The following RBPMS variants were observed in gnomAD, a reference collection of about 807,000 sequenced individuals.
RBPMS encodes the protein RNA-binding protein with multiple splicing.
RBPMS carries 7 observed loss-of-function variants against 26.8 expected under a neutral mutation model. The observed-to-expected ratio is 0.26, with a 90% CI of 0.15 to 0.49. The LOEUF is 0.49. RBPMS is among the 20% of genes least tolerant of loss of function. The pLI is 0.98. For synonymous variants in RBPMS, 96 were observed against 93.3 expected (o/e 1.03, Z -0.17); for missense variants, 186 against 250.0 (o/e 0.74, Z 1.73).
At chr8:30,541,645 C>A (rs572660396) in intron 5 of RBPMS, among the ~76,000 whole-genome samples, 84 of 152,180 alleles carry the variant, frequency 5.5e-4, no homozygotes, top group South Asian at 2.3e-3. Context: ...CTCACCCCCT[C>A]CCTAAACTCC....
At chr8:30,445,240 C>G (rs1170118611) in intron 1 of RBPMS, 1 of 152,020 alleles carries the variant, frequency 6.6e-6, no homozygotes, top group African/African-American at 2.4e-5. Flanking sequence ...CCAGTCTAAG[C>G]CTGATCAAAA....
At chr8:30,475,830 A>G (rs965631737) in intron 2 of RBPMS, among the ~76,000 whole-genome samples, 1 of 152,224 alleles carries the variant, frequency 6.6e-6, no homozygotes, top group South Asian at 2.1e-4. Flanking sequence ...TAAGGGACAT[A>G]AGTCCACCTG....
At chr8:30,565,661 C>T (rs1827839736) in intron 7 of RBPMS, 1 of 152,270 alleles carries the variant, frequency 6.6e-6, no homozygotes, top group South Asian at 2.1e-4. Flanking sequence ...AGCCAGATAT[C>T]TTCACAAATG....
At chr8:30,524,292 T>C (rs553117385) in intron 5 of RBPMS, among the ~76,000 whole-genome samples, 3 of 152,284 alleles carry the variant, frequency 2.0e-5, no homozygotes, top group African/African-American at 7.2e-5. Flanking sequence ...TGTTAATGTA[T>C]TTCATTAAAT....
chr8:30,520,330 TG>T (rs973233753), intron 5 of RBPMS, among the ~76,000 whole-genome samples: 1 of 152,276 alleles, frequency 6.6e-6, no homozygotes, highest in Admixed American at 6.5e-5. Context: ...CACTGTTTTG[TG>T]GGGGGTTGTT....
At chr8:30,422,179 G>T (rs952754120) in intron 1 of RBPMS, among the ~76,000 whole-genome samples, 3 of 151,394 alleles carry the variant, frequency 2.0e-5, no homozygotes, top group African/African-American at 7.3e-5. Context: ...AGGCTGGAGT[G>T]CAGTGGTGCG....
intron 5 of RBPMS, among the ~76,000 whole-genome samples, chr8:30,542,072 G>A (rs975477135): frequency 6.6e-6 from 1 of 152,190 alleles, no homozygotes; most frequent in Non-Finnish European, 1.5e-5. Context: ...GGGAGACGGA[G>A]ATGATAAGAT....
chr8:30,501,283 C>T (rs896289607), intron 4 of RBPMS, among the ~76,000 whole-genome samples: 3 of 127,470 alleles, frequency 2.4e-5, no homozygotes, highest in African/African-American at 8.7e-5. Context: ...CCCACCCCAA[C>T]ACCCTTTCTG....
intron 5 of RBPMS, among the ~76,000 whole-genome samples, chr8:30,511,505 A>T (rs1252610864): frequency 2.4e-4 from 1 of 4,228 alleles, no homozygotes; most frequent in Non-Finnish European, 1.3e-3. Context: ...ATATATATAT[A>T]TATATATATA....
At chr8:30,444,056 C>T (rs1563323645) in intron 1 of RBPMS, among the ~76,000 whole-genome samples, 1 of 152,060 alleles carries the variant, frequency 6.6e-6, no homozygotes, top group Non-Finnish European at 1.5e-5. Flanking sequence ...ACCACCATGC[C>T]CGGCTAATTT....
In RBPMS at chr8:30,433,823, A is replaced by T. The variant is rs192494561; in HGVS notation, c.67-40956A>T. ...CTTATAATTATTAATTTGACCTGGA[A>T]CTTCCATGTCCTGATTCTTAGATCT... On this transcript the variant is annotated intron_variant, in intron 1 of 8. Transcript: ENST00000397323. 3.6e-3 allele frequency among the ~76,000 whole-genome samples: 541 copies of T among 152,308 alleles called. 1 individual carries two copies. The highest frequency in any genetic ancestry group is 6.2e-3 in the Admixed American group (95 of 15,300).
At chr8:30,421,173 G>GT (rs1810744448) in intron 1 of RBPMS, among the ~76,000 whole-genome samples, 1 of 150,926 alleles carries the variant, frequency 6.6e-6, no homozygotes, top group South Asian at 2.1e-4. Flanking sequence ...GTGAGAGAGA[G>GT]TGTGTGTGTG....
chr8:30,479,468 A>G (rs1818048255), intron 4 of RBPMS, 91 bp downstream of exon 4: 1 of 922,154 alleles, frequency 1.1e-6, no homozygotes, highest in Non-Finnish European at 1.8e-6. Flanking sequence ...AGTGGAAAGA[A>G]TATGACTGCA....
chr8:30,431,011 TA>T (rs1448859916), intron 1 of RBPMS, among the ~76,000 whole-genome samples: 1 of 152,230 alleles, frequency 6.6e-6, no homozygotes, highest in African/African-American at 2.4e-5. Flanking sequence ...ATTTTTAATG[TA>T]TGAAGCGGTT....
At chr8:30,430,075 G>C (rs180682764) in intron 1 of RBPMS, among the ~76,000 whole-genome samples, 7 of 152,242 alleles carry the variant, frequency 4.6e-5, no homozygotes, top group African/African-American at 1.7e-4. Flanking sequence ...CCAGGAGTTT[G>C]AGACCAGCCT....
At chr8:30,549,787 T>TCTCTCTC (rs1364088423) in intron 6 of RBPMS, among the ~76,000 whole-genome samples, 2 of 110,492 alleles carry the variant, frequency 1.8e-5, no homozygotes, top group Non-Finnish European at 3.7e-5. Context: ...TCTCTCTCTC[T>TCTCTCTC]CTCTCTCTCC....
At chr8:30,457,070 G>A (rs1330485430) in intron 1 of RBPMS, among the ~76,000 whole-genome samples, 2 of 152,192 alleles carry the variant, frequency 1.3e-5, no homozygotes, top group Non-Finnish European at 2.9e-5. Context: ...CTTTGCCTGT[G>A]TTCTGGCCAA....
chr8:30,546,137 C>G (rs138483827), intron 6 of RBPMS, among the ~76,000 whole-genome samples: 301 of 152,284 alleles, frequency 2.0e-3, no homozygotes, highest in African/African-American at 7.0e-3. Flanking sequence ...CATGGGGCAA[C>G]TAAGAGCCCC....
intron 1 of RBPMS, among the ~76,000 whole-genome samples, chr8:30,451,252 A>C (rs532276888): frequency 6.6e-6 from 1 of 152,088 alleles, no homozygotes; most frequent in Non-Finnish European, 1.5e-5. Flanking sequence ...TCTTTCTCCT[A>C]TCTCTCCAAG....
Sources: allele counts gnomAD v4.1 joint callset (sites outside exome capture counted in the v4.1 genomes callset), GRCh38; gene constraint gnomAD v4.1.1; transcripts MANE v1.5; gene names NCBI Gene and HGNC (gene_info 2026-07-23, HGNC 2026-07-21).